HIP1: variants seen among roughly 807,000 people sequenced by gnomAD.
The protein encoded by HIP1 is huntingtin interacting protein 1, also known as huntingtin-interacting protein 1.
Under a neutral mutation model 147.6 loss-of-function variants are expected in HIP1, and 65 were observed. That is an observed-to-expected ratio of 0.44 (90% CI 0.36 to 0.54). The LOEUF is 0.54. Ranked by LOEUF, HIP1 falls within the 20% of genes least tolerant of loss-of-function variation. HIP1 has a pLI of 0.00. For missense variants in HIP1, 1,061 were observed against 1,299.6 expected (o/e 0.82, Z 2.82); for synonymous variants, 479 against 504.0 (o/e 0.95, Z 0.67).
rs74197395 is a variant in HIP1 at position 75,663,936 on chromosome 7, ATATATATATATACACATATATGTG to A, written c.121-64713_121-64690del. Among the ~76,000 whole-genome samples the A allele has an allele frequency of 9.1e-4, 23 of 25,154 alleles. 2 individuals are homozygous for A. Among genetic ancestry groups the A allele is most frequent in the Middle Eastern group, 0.026 (1 of 38 alleles). The allele number at this position is 25,154 out of a possible 152,430, so 16.5% of individuals were successfully genotyped here. ...CTTCCATTATTTTATGTATGTGTGT[ATATATATATATACACATATATGTG>A]TATATATATATACACATATATGTGT... On this transcript the variant is annotated intron_variant, in intron 1 of 30. Coordinates refer to ENST00000336926, the MANE Select transcript of HIP1 (RefSeq NM_005338.7).
intron 1 of HIP1, among the ~76,000 whole-genome samples, chr7:75,704,605 TCTCA>T (rs1270802606): frequency 3.3e-5 from 5 of 151,200 alleles, no homozygotes; most frequent in South Asian, 2.1e-4. Flanking sequence ...TGAGACGGAG[TCTCA>T]CTCTGTTGCT....
chr7:75,723,489 G>A (rs1386000953), intron 1 of HIP1, among the ~76,000 whole-genome samples: 1 of 152,110 alleles, frequency 6.6e-6, no homozygotes, highest in Non-Finnish European at 1.5e-5. Flanking sequence ...TTCTGTCCTG[G>A]AGGGCCTGGG....
At chr7:75,679,101 A>AC (rs34149021) in intron 1 of HIP1, among the ~76,000 whole-genome samples, 73,514 of 151,790 alleles carry the variant, frequency 0.48, 18,169 homozygotes, top group African/African-American at 0.56. Context: ...TCCAGCTATG[A>AC]CCCCCCTTCT....
intron 4 of HIP1, among the ~76,000 whole-genome samples, chr7:75,590,997 G>T (rs1796482770): frequency 6.6e-6 from 1 of 151,902 alleles, no homozygotes; most frequent in Non-Finnish European, 1.5e-5. Context: ...TTCTCAACTG[G>T]TAGAGGCAAA....
intron 1 of HIP1, among the ~76,000 whole-genome samples, chr7:75,680,209 A>AT (rs1212695666): frequency 6.6e-6 from 1 of 152,032 alleles, no homozygotes; most frequent in Non-Finnish European, 1.5e-5. Context: ...CACCCAGCTA[A>AT]TTTTTTACGT....
In HIP1 at chr7:75,563,282, C is replaced by T. The variant is rs1554494957; in HGVS notation, c.804-19G>A. On this transcript the variant is annotated intron_variant, in intron 9 of 30. Coordinates refer to ENST00000336926, the MANE Select transcript of HIP1 (RefSeq NM_005338.7). ...TTTCAACCTAGGGGTGGAGAAGGAC[C>T]TGAGGGGTGCTGGGTGTCTTCATCA... 2.5e-6 allele frequency: 4 copies of T among 1,612,216 alleles called. No homozygotes were observed. The South Asian group carries it at 3.3e-5, about 13-fold the overall frequency.
chr7:75,660,124 C>G (rs1285510296), intron 1 of HIP1, among the ~76,000 whole-genome samples: 1 of 149,270 alleles, frequency 6.7e-6, no homozygotes, highest in Non-Finnish European at 1.5e-5. Flanking sequence ...GACTCCGTCT[C>G]AAAAAACAAA....
chr7:75,709,109 C>CTTTTTTTTTTTTTTTTTTTT (rs55720152), intron 1 of HIP1, among the ~76,000 whole-genome samples: 2 of 131,428 alleles, frequency 1.5e-5, no homozygotes, highest in African/African-American at 2.9e-5. Flanking sequence ...TTTTTCTTTT[C>CTTTTTTTTTTTTTTTTTTTT]TTTTTTTTTT....
intron 1 of HIP1, among the ~76,000 whole-genome samples, chr7:75,709,264 C>T (rs868932090): frequency 1.7e-4 from 26 of 152,092 alleles, no homozygotes; most frequent in African/African-American, 6.3e-4. Context: ...AGGTGTACAA[C>T]ACCATGCCTG....
At chr7:75,659,389 TG>T (rs1554513243) in intron 1 of HIP1, among the ~76,000 whole-genome samples, 1 of 152,208 alleles carries the variant, frequency 6.6e-6, no homozygotes, top group African/African-American at 2.4e-5. Flanking sequence ...CCGGCCATGG[TG>T]GCTTACACCT....
chr7:75,596,575 G>A (rs1173322342), intron 2 of HIP1, among the ~76,000 whole-genome samples: 15 of 151,950 alleles, frequency 9.9e-5, no homozygotes, highest in African/African-American at 2.9e-4. Context: ...TCAGTAGGAC[G>A]GGGTTTTACC....
chr7:75,650,172 G>A (rs555915730), intron 1 of HIP1, among the ~76,000 whole-genome samples: 28 of 152,252 alleles, frequency 1.8e-4, no homozygotes, highest in Admixed American at 7.2e-4. Context: ...GGCAGGCTGC[G>A]GGAGGCCAGC....
At chr7:75,637,399 T>C (rs1798458886) in intron 1 of HIP1, among the ~76,000 whole-genome samples, 2 of 152,188 alleles carry the variant, frequency 1.3e-5, no homozygotes, top group African/African-American at 2.4e-5. Flanking sequence ...TGGACTAAAG[T>C]AGAGTTTCGA....
chr7:75,718,368 G>GA (rs1420203506), intron 1 of HIP1, among the ~76,000 whole-genome samples: 3 of 150,686 alleles, frequency 2.0e-5, no homozygotes, highest in East Asian at 3.9e-4. Context: ...AAAAAGAAAA[G>GA]AAAAAAAAGA....
intron 1 of HIP1, among the ~76,000 whole-genome samples, chr7:75,646,764 T>G (rs1798815536): frequency 1.3e-5 from 2 of 152,198 alleles, no homozygotes; most frequent in African/African-American, 4.8e-5. Flanking sequence ...TGGCACTCTC[T>G]GGACACCAGC....
chr7:75,622,053 G>T (rs1466946987), intron 1 of HIP1, among the ~76,000 whole-genome samples: 1 of 152,096 alleles, frequency 6.6e-6, no homozygotes, highest in Non-Finnish European at 1.5e-5. Context: ...GGAGGCCGAG[G>T]TGGGCAGACC....
chr7:75,650,098 G>T (rs1454131251), intron 1 of HIP1, among the ~76,000 whole-genome samples: 1 of 152,116 alleles, frequency 6.6e-6, no homozygotes, highest in Non-Finnish European at 1.5e-5. Context: ...TTGGTCTTAG[G>T]ATCTCATGAT....
intron 1 of HIP1, among the ~76,000 whole-genome samples, chr7:75,722,112 T>A (rs1801519966): frequency 6.6e-6 from 1 of 152,064 alleles, no homozygotes; most frequent in Non-Finnish European, 1.5e-5. Flanking sequence ...AAGACCAGCC[T>A]GGCCAACATA....
At position 75,537,023 on chromosome 7, in the gene HIP1, C is replaced by G. The variant is rs587774262; in HGVS notation, c.*1149G>C. On this transcript the variant is annotated 3_prime_UTR_variant, in exon 31 of 31. Coordinates refer to ENST00000336926, the MANE Select transcript of HIP1 (RefSeq NM_005338.7). ...CTATTCAAGAGGATGCCAAGGCAGA[C>G]GTCTGCAGAAAGGAGTTGGGAATCA... 3.4e-5 allele frequency: 8 copies of G among 232,182 alleles called. No individual in the cohort carries two copies. The highest frequency in any genetic ancestry group is 6.8e-5 in the Non-Finnish European group (8 of 117,450). 14.4% of individuals were successfully genotyped at this position (232,182 alleles called of 1,614,324 possible).
Sources: allele counts gnomAD v4.1 joint callset (sites outside exome capture counted in the v4.1 genomes callset), GRCh38; gene constraint gnomAD v4.1.1; transcripts MANE v1.5; gene names NCBI Gene and HGNC (gene_info 2026-07-23, HGNC 2026-07-21).